The following BIRC6 variants were observed in gnomAD, a reference collection of about 807,000 sequenced individuals.
BIRC6 encodes the protein baculoviral IAP repeat containing 6.
A neutral mutation model predicts 503.3 loss-of-function variants in BIRC6; 98 were observed. That is an observed-to-expected ratio of 0.19 (90% CI 0.17 to 0.23). The LOEUF is 0.23. Among genes scored for constraint, BIRC6 ranks in the 10% least tolerant of loss-of-function variants. The pLI, the probability that BIRC6 is intolerant of heterozygous loss-of-function variation, is 1.00. For synonymous variants in BIRC6, 2,240 were observed against 2,078.7 expected, an observed-to-expected ratio of 1.08 and a Z score of -2.11; for missense variants, 5,360 against 5,806.0, an observed-to-expected ratio of 0.92 and a Z score of 2.50.
At chr2:32,473,865 C>T (rs376093893) in intron 33 of BIRC6, among the ~76,000 whole-genome samples, 5 of 151,144 alleles carry the variant, frequency 3.3e-5, no homozygotes, top group African/African-American at 7.3e-5. Flanking sequence ...GCAGTCCTCC[C>T]GCCTTAGCTT....
At chr2:32,485,156 G>C (rs1490262935) in intron 39 of BIRC6, among the ~76,000 whole-genome samples, 1 of 151,794 alleles carries the variant, frequency 6.6e-6, no homozygotes, top group Non-Finnish European at 1.5e-5. Flanking sequence ...TTTTGGGACT[G>C]TTTTCATTTC....
At chr2:32,457,587 G>C (rs955452636) in intron 23 of BIRC6, among the ~76,000 whole-genome samples, 4 of 151,942 alleles carry the variant, frequency 2.6e-5, no homozygotes, top group African/African-American at 9.7e-5. Flanking sequence ...ATATAGTCTA[G>C]ATTCCAGAAG....
At position 32,491,592 on chromosome 2, in the gene BIRC6, C is replaced by G. The variant is rs572268425; in HGVS notation, c.8340+34C>G. On this transcript the variant is annotated intron_variant, in intron 44 of 73. Coordinates refer to ENST00000421745, the MANE Select transcript of BIRC6 (RefSeq NM_016252.4). ...ATGTTTAGCCTGGCATATGCCCAGA[C>G]TATTCAATAAACAGTATTCGTAATG... is the stretch of plus-strand genomic sequence containing the variant. The G allele has an allele frequency of 6.9e-6, 11 of 1,598,322 alleles. No homozygotes were observed. In the Admixed American group the frequency reaches 1.9e-4, roughly 27 times the overall value.
At chr2:32,477,724 C>A (rs2049924451) in intron 35 of BIRC6, 141 bp downstream of exon 35, 1 of 467,478 alleles carries the variant, frequency 2.1e-6, no homozygotes, top group East Asian at 3.2e-5. Flanking sequence ...TGTGGCAAAA[C>A]CCCGTCTCTA....
chr2:32,363,820 A>T (rs1558524889), intron 1 of BIRC6, among the ~76,000 whole-genome samples: 3 of 152,178 alleles, frequency 2.0e-5, no homozygotes, highest in Admixed American at 2.0e-4. Flanking sequence ...ACAAATGTAA[A>T]ATAGGGGATG....
chr2:32,537,243 A>G lies in BIRC6; in HGVS notation c.12291+5692A>G, dbSNP rs190711033. Reference sequence around the variant, plus strand: ...CAGATCAACGAGACAGAAAGTTAACAAGGATATCCAGGAATTGAACTCAGC... The same window carrying G: ...CAGATCAACGAGACAGAAAGTTAACGAGGATATCCAGGAATTGAACTCAGC... On this transcript the variant is annotated intron_variant, in intron 61 of 73. Coordinates refer to ENST00000421745, the MANE Select transcript of BIRC6 (RefSeq NM_016252.4). Among the ~76,000 whole-genome samples, 405 of 152,318 alleles carry G rather than the reference A, an allele frequency of 2.7e-3. 6 individuals carry two copies. The highest frequency in any genetic ancestry group is 9.5e-3 in the African/African-American group (396 of 41,562).
At chr2:32,371,786 G>A (rs1318278671) in intron 1 of BIRC6, among the ~76,000 whole-genome samples, 3 of 151,926 alleles carry the variant, frequency 2.0e-5, no homozygotes, top group Non-Finnish European at 4.4e-5. Context: ...ATTGCTCCAT[G>A]TGTACATGTT....
intron 49 of BIRC6, among the ~76,000 whole-genome samples, chr2:32,503,892 T>C (rs962699614): frequency 3.3e-5 from 5 of 151,930 alleles, no homozygotes; most frequent in African/African-American, 1.2e-4. Context: ...GTGTTTTGTT[T>C]TGAGAGAGTC....
At chr2:32,530,345 G>A (rs2150003085) in intron 60 of BIRC6, among the ~76,000 whole-genome samples, 1 of 152,006 alleles carries the variant, frequency 6.6e-6, no homozygotes, top group South Asian at 2.1e-4. Flanking sequence ...CGAGAAGCTG[G>A]GATTACTGGC....
intron 1 of BIRC6, among the ~76,000 whole-genome samples, chr2:32,365,732 A>G (rs1222785694): frequency 6.6e-6 from 1 of 152,156 alleles, no homozygotes; most frequent in Non-Finnish European, 1.5e-5. Context: ...CCCATATTTT[A>G]AAGTACAAGA....
At chr2:32,584,058 T>C (rs990370647) in intron 66 of BIRC6, among the ~76,000 whole-genome samples, 5 of 152,130 alleles carry the variant, frequency 3.3e-5, no homozygotes, top group Non-Finnish European at 5.9e-5. Flanking sequence ...ACCATTCTTC[T>C]AATATCATCT....
rs1325263244 is a variant in BIRC6 at position 32,491,484 on chromosome 2, C to A, written c.8266C>A (p.Pro2756Thr). The change falls in exon 44 of 74, where the codon CCA (proline) becomes ACA (threonine). Residue 2756 changes from proline (P) to threonine (T), a missense_variant. Physicochemically the swap from Pro to Thr is conservative, Grantham distance 38. This residue lies in a region of BIRC6 where 2,299 missense variants were observed against 2,267.2 expected (regional missense o/e 1.01). Coordinates refer to ENST00000421745, the MANE Select transcript of BIRC6 (RefSeq NM_016252.4). Reference protein sequence around the residue: ...ESTAHLLVSDPNLIHVLVKFL... With the variant: ...ESTAHLLVSDTNLIHVLVKFL... ...TACTGCTCATTTGTTGGTTTCAGATCCAAACCTAATTCATGTATTAGTGAA... is the reference window on the plus strand; with the variant it reads ...TACTGCTCATTTGTTGGTTTCAGATACAAACCTAATTCATGTATTAGTGAA... 4 of 1,613,316 alleles carry A rather than the reference C, an allele frequency of 2.5e-6. No homozygotes were observed. Among genetic ancestry groups the A allele is most frequent in the Non-Finnish European group, 3.4e-6 (4 of 1,179,536 alleles).
At chr2:32,509,218 C>CT (rs1171865937) in intron 51 of BIRC6, among the ~76,000 whole-genome samples, 3 of 152,090 alleles carry the variant, frequency 2.0e-5, no homozygotes, top group South Asian at 2.1e-4. Flanking sequence ...CCCATGGTGT[C>CT]TAAGTGCTAT....
chr2:32,373,299 A>G lies in BIRC6; in HGVS notation c.326-4289A>G, dbSNP rs116284649. 4.0e-3 allele frequency among the ~76,000 whole-genome samples: 612 copies of G among 152,362 alleles called. 7 individuals are homozygous for G. The highest frequency in any genetic ancestry group is 0.014 in the African/African-American group (597 of 41,582). ...TAAATAGTTCAACATAATCTTGACA[A>G]AGAACAGAGTTGGAAGATTAACACT... On this transcript the variant is annotated intron_variant, in intron 1 of 73. Transcript: ENST00000421745.
chr2:32,560,114 T>C (rs904755991), intron 65 of BIRC6, among the ~76,000 whole-genome samples: 1 of 152,206 alleles, frequency 6.6e-6, no homozygotes, highest in African/African-American at 2.4e-5. Flanking sequence ...ATATAGAATT[T>C]GACTTAAAGA....
At chr2:32,383,012 G>A (rs1210564419) in intron 3 of BIRC6, among the ~76,000 whole-genome samples, 4 of 150,442 alleles carry the variant, frequency 2.7e-5, no homozygotes, top group African/African-American at 9.8e-5. Context: ...GTGAGCCACC[G>A]CACGTGGCCT....
chr2:32,447,132 A>G (rs1177804338), intron 21 of BIRC6, among the ~76,000 whole-genome samples: 1 of 149,252 alleles, frequency 6.7e-6, no homozygotes, highest in Admixed American at 6.7e-5. Context: ...AACAAAATGA[A>G]AAGTCTCCCA....
intron 66 of BIRC6, among the ~76,000 whole-genome samples, chr2:32,576,116 T>C (rs898353250): frequency 7.2e-5 from 11 of 152,212 alleles, no homozygotes; most frequent in Admixed American, 1.3e-4. Context: ...TTATTTTCAG[T>C]TCATAATAAC....
chr2:32,415,916 G>A lies in BIRC6; in HGVS notation c.2625G>A (p.Glu875=), dbSNP rs2042330953. 3 of 1,613,980 alleles carry A rather than the reference G, an allele frequency of 1.9e-6. No homozygotes were observed. The highest frequency in any genetic ancestry group is 1.3e-5 in the African/African-American group (1 of 75,038). The change falls in exon 10 of 74, where the codon GAG becomes GAA. Residue 875 remains glutamate, a synonymous_variant. Coordinates refer to ENST00000421745, the MANE Select transcript of BIRC6 (RefSeq NM_016252.4). The stretch of plus-strand genomic sequence containing the variant: ...TGGATAATCGAGAGGATGACTGTGA[G>A]GAACCTATTGAGGACATGCAGTTAA... The part of the protein sequence containing the change: ...DILDNREDDC[E]EPIEDMQLTS...
Sources: allele counts gnomAD v4.1 joint callset (sites outside exome capture counted in the v4.1 genomes callset), GRCh38; gene constraint gnomAD v4.1.1; regional missense constraint gnomAD v4.1.1; transcripts MANE v1.5; gene names NCBI Gene and HGNC (gene_info 2026-07-23, HGNC 2026-07-21).